KANSL1L: variants seen among roughly 807,000 people sequenced by gnomAD.
KANSL1L encodes KAT8 regulatory NSL complex subunit 1 like.
KANSL1L carries 25 observed loss-of-function variants against 108.6 expected under a neutral mutation model. That is an observed-to-expected ratio of 0.23 (90% CI 0.17 to 0.32). The LOEUF is 0.32. Ranked by LOEUF, KANSL1L falls within the 10% of genes least tolerant of loss-of-function variation. The pLI is 1.00. For missense variants in KANSL1L, 1,137 were observed against 1,125.7 expected, an observed-to-expected ratio of 1.01 and a Z score of -0.14; for synonymous variants, 405 against 395.1, an observed-to-expected ratio of 1.03 and a Z score of -0.30.
intron 5 of KANSL1L, chr2:210,096,700 G>T: frequency 1.0e-6 from 1 of 967,424 alleles, no homozygotes; most frequent in Non-Finnish European, 1.2e-6. Context: ...TCTCATAAAT[G>T]AAAATATCAT....
At chr2:210,058,534 T>A (rs1445024356) in intron 6 of KANSL1L, among the ~76,000 whole-genome samples, 2 of 152,032 alleles carry the variant, frequency 1.3e-5, no homozygotes, top group Non-Finnish European at 2.9e-5. Flanking sequence ...AAATCACTAA[T>A]AAAAACTTGC....
At chr2:210,097,992 G>A (rs2094754371) in intron 5 of KANSL1L, 94 bp downstream of exon 5, 2 of 1,038,180 alleles carry the variant, frequency 1.9e-6, no homozygotes, top group African/African-American at 3.3e-5. Flanking sequence ...TACAAAAAAA[G>A]TAGCTATAAT....
At chr2:210,101,989 A>G (rs924443515) in intron 4 of KANSL1L, among the ~76,000 whole-genome samples, 3 of 152,218 alleles carry the variant, frequency 2.0e-5, no homozygotes, top group African/African-American at 4.8e-5. Flanking sequence ...AAAAAGTCCT[A>G]GATTCAGCTT....
chr2:210,054,806 G>A (rs2094332138), intron 6 of KANSL1L, among the ~76,000 whole-genome samples: 1 of 151,176 alleles, frequency 6.6e-6, no homozygotes, highest in East Asian at 1.9e-4. Context: ...GGGAAAGGAA[G>A]GGAAATGGGA....
At chr2:210,076,684 T>C (rs2094544766) in intron 5 of KANSL1L, among the ~76,000 whole-genome samples, 1 of 151,504 alleles carries the variant, frequency 6.6e-6, no homozygotes, top group South Asian at 2.1e-4. Context: ...ATATTATTTT[T>C]TAAAAATTAT....
At chr2:210,138,167 C>A (rs937032286) in intron 2 of KANSL1L, among the ~76,000 whole-genome samples, 1 of 151,508 alleles carries the variant, frequency 6.6e-6, no homozygotes, top group African/African-American at 2.4e-5. Flanking sequence ...TTTTTTTTTA[C>A]AACTATGAAA....
Position 210,090,389 on chromosome 2 carries a change from A to G in KANSL1L, c.1550+7697T>C, listed in dbSNP as rs540957565. 2.6e-5 allele frequency among the ~76,000 whole-genome samples: 4 copies of G among 152,306 alleles called. No individual in the cohort carries two copies. In the East Asian group the frequency reaches 5.8e-4, roughly 22 times the overall value. On this transcript the variant is annotated intron_variant, in intron 5 of 14. Coordinates refer to ENST00000281772, the MANE Select transcript of KANSL1L (RefSeq NM_152519.4). The stretch of plus-strand genomic sequence containing the variant: ...AATATTATTGTAGAACTTGGATTAG[A>G]GGGGACACTGAGTGATTGTCAAATG...
intron 5 of KANSL1L, among the ~76,000 whole-genome samples, chr2:210,082,738 G>A (rs1211714634): frequency 6.6e-6 from 1 of 152,162 alleles, no homozygotes; most frequent in African/African-American, 2.4e-5. Flanking sequence ...TTTTAAGTCA[G>A]TGGTTTCTAA....
intron 3 of KANSL1L, among the ~76,000 whole-genome samples, chr2:210,106,879 T>G (rs1218057144): frequency 6.6e-6 from 1 of 151,594 alleles, no homozygotes; most frequent in Non-Finnish European, 1.5e-5. Flanking sequence ...GTGAGGAGAG[T>G]GGCCCATTCT....
At chr2:210,080,982 C>G (rs982189517) in intron 5 of KANSL1L, among the ~76,000 whole-genome samples, 1 of 151,996 alleles carries the variant, frequency 6.6e-6, no homozygotes, top group African/African-American at 2.4e-5. Flanking sequence ...TGGTGCATGC[C>G]TGTAGTCCCA....
chr2:210,120,417 G>C (rs1575570587), intron 3 of KANSL1L, among the ~76,000 whole-genome samples: 2 of 151,868 alleles, frequency 1.3e-5, no homozygotes, highest in Non-Finnish European at 2.9e-5. Context: ...AAATAAAAAA[G>C]TGGTGCTGGG....
In KANSL1L at chr2:210,112,342, C is replaced by T. The variant is rs185476789; in HGVS notation, c.1231-8041G>A. On this transcript the variant is annotated intron_variant, in intron 3 of 14. Coordinates refer to ENST00000281772, the MANE Select transcript of KANSL1L (RefSeq NM_152519.4). ...TTCCTTACACCTTATACAACAAGAACATCTTAAAGGTACCAGATAGAAAAG... is the reference window on the plus strand; with the variant it reads ...TTCCTTACACCTTATACAACAAGAATATCTTAAAGGTACCAGATAGAAAAG... 9.5e-4 allele frequency among the ~76,000 whole-genome samples: 144 copies of T among 152,186 alleles called. 3 individuals carry two copies. The highest frequency in any genetic ancestry group is 9.4e-3 in the Admixed American group (144 of 15,282).
At chr2:210,030,202 C>T (rs2093995660) in intron 9 of KANSL1L, among the ~76,000 whole-genome samples, 1 of 151,864 alleles carries the variant, frequency 6.6e-6, no homozygotes, top group Admixed American at 6.6e-5. Context: ...TTTCCTGTGA[C>T]TCCTATTCAT....
chr2:210,153,519 T>A lies in KANSL1L; in HGVS notation c.1064A>T (p.Tyr355Phe), dbSNP rs752474990. ...DSSSDDDLDE[Y>F]TLRKNVAVNC... Reference sequence around the variant, plus strand: ...CACTGCCACATTTTTTCTAAGGGTATATTCATCCAAATCGTCATCAGAGCT... The same window carrying A: ...CACTGCCACATTTTTTCTAAGGGTAAATTCATCCAAATCGTCATCAGAGCT... Residue 355 changes from tyrosine (Y) to phenylalanine (F), a missense_variant, in exon 2 of 15, where the codon TAT becomes TTT. Tyr to Phe is a conservative substitution (Grantham distance 22, BLOSUM62 3). Around this residue, in one of 3 missense-constraint regions of KANSL1L, gnomAD observed 556 missense variants for 537.7 expected, o/e 1.03. Coordinates refer to ENST00000281772, the MANE Select transcript of KANSL1L (RefSeq NM_152519.4). 1 of 1,614,138 alleles carries A rather than the reference T, an allele frequency of 6.2e-7. No homozygotes were observed. Among genetic ancestry groups the A allele is most frequent in the Non-Finnish European group, 8.5e-7 (1 of 1,180,016 alleles).
chr2:210,096,609 C>T, intron 5 of KANSL1L: 3 of 985,330 alleles, frequency 3.0e-6, no homozygotes, highest in Non-Finnish European at 3.6e-6. Context: ...AATCACAATG[C>T]TTATACACCA....
At chr2:210,056,669 TAG>T (rs1472752421) in intron 6 of KANSL1L, among the ~76,000 whole-genome samples, 1 of 152,072 alleles carries the variant, frequency 6.6e-6, no homozygotes, top group African/African-American at 2.4e-5. Flanking sequence ...TTAGTAGAGA[TAG>T]AGTTTCACCA....
rs1422294910 is a variant in KANSL1L, at chr2:210,079,608, A to ATG, written c.1551-3854_1551-3853dup. On this transcript the variant is annotated intron_variant, in intron 5 of 14. Coordinates refer to ENST00000281772, the MANE Select transcript of KANSL1L (RefSeq NM_152519.4). ...TCTGTCTCAAAAAAAAAAAATATGT[A>ATG]TGTGTATATATATATATATATATAT... 7.4e-3 allele frequency among the ~76,000 whole-genome samples: 464 copies of ATG among 62,660 alleles called. 21 individuals carry two copies. The highest frequency in any genetic ancestry group is 0.025 in the African/African-American group (371 of 15,118). 41.1% of individuals were successfully genotyped at this position (62,660 alleles called of 152,430 possible).
chr2:210,121,772 T>C (rs1271275312), intron 3 of KANSL1L, among the ~76,000 whole-genome samples: 1 of 152,224 alleles, frequency 6.6e-6, no homozygotes, highest in Admixed American at 6.5e-5. Flanking sequence ...GCACGTGATA[T>C]GATCTTGTTT....
Position 210,071,681 on chromosome 2 carries a change from T to G in KANSL1L, c.1755+3871A>C, listed in dbSNP as rs549193943. Among the ~76,000 whole-genome samples, 6 of 152,306 alleles carry G rather than the reference T, an allele frequency of 3.9e-5. No individual in the cohort carries two copies. In the East Asian group the frequency reaches 1.2e-3, roughly 29 times the overall value. On this transcript the variant is annotated intron_variant, in intron 6 of 14. Transcript: ENST00000281772. ...ACCCAATTTCCAAATTAGGTCATAT[T>G]CTAAGGTGCTAGCTGTTAGAACGTC...
Sources: allele counts gnomAD v4.1 joint callset (sites outside exome capture counted in the v4.1 genomes callset), GRCh38; gene constraint gnomAD v4.1.1; regional missense constraint gnomAD v4.1.1; transcripts MANE v1.5; gene names NCBI Gene and HGNC (gene_info 2026-07-23, HGNC 2026-07-21).